Variants in TIAL1 observed in about 807,000 individuals in gnomAD.
The protein encoded by TIAL1 is TIA1 cytotoxic granule associated RNA binding protein like 1.
In TIAL1, 7 loss-of-function variants were observed where a neutral mutation model predicts 59.7. The ratio of observed to expected loss-of-function variants is 0.12; its 90% CI spans 0.07 to 0.22. The LOEUF (loss-of-function observed/expected upper bound fraction) is 0.22. Among genes scored for constraint, TIAL1 ranks in the 10% least tolerant of loss-of-function variants. The pLI is 1.00. For synonymous variants in TIAL1, 149 were observed against 146.3 expected, an observed-to-expected ratio of 1.02 and a Z score of -0.13; for missense variants, 225 against 462.5, an observed-to-expected ratio of 0.49 and a Z score of 4.71.
At chr10:119,579,615 TA>T (rs1225800083) in intron 6 of TIAL1, among the ~76,000 whole-genome samples, 7 of 152,234 alleles carry the variant, frequency 4.6e-5, no homozygotes, top group Admixed American at 3.9e-4. Context: ...GAATATAATT[TA>T]CCTAACCTCT....
chr10:119,588,351 CTT>C, intron 1 of TIAL1, 103 bp from the exon 2 acceptor site: 6 of 212,048 alleles, frequency 2.8e-5, no homozygotes, highest in South Asian at 9.3e-5. Flanking sequence ...TTCTTTCTTT[CTT>C]TTTTTTTTAG....
rs1844905111 is a variant in TIAL1, at chr10:119,574,906, G to A, written c.*759C>T. 6.6e-6 allele frequency: 1 copy of A among 152,550 alleles called. No individual in the cohort carries two copies. The highest frequency in any genetic ancestry group is 1.5e-5 in the Non-Finnish European group (1 of 68,028). The allele number at this position is 152,550 out of a possible 1,614,324, so 9.4% of individuals were successfully genotyped here. On this transcript the variant is annotated 3_prime_UTR_variant, in exon 12 of 12. Transcript: ENST00000436547. ...TGTATCATTTAAACTTCATGTAAAAGCACAAGTATGACTGTCTGACTTCAA... is the reference window on the plus strand; with the variant it reads ...TGTATCATTTAAACTTCATGTAAAAACACAAGTATGACTGTCTGACTTCAA...
chr10:119,588,111 AT>A, intron 2 of TIAL1, 40 bp downstream of exon 2: 1 of 1,203,088 alleles, frequency 8.3e-7, no homozygotes, highest in Non-Finnish European at 1.2e-6. Flanking sequence ...TAATCAACCC[AT>A]CATGCTAATT....
chr10:119,593,839 A>T (rs889609761), intron 1 of TIAL1, among the ~76,000 whole-genome samples: 1 of 152,220 alleles, frequency 6.6e-6, no homozygotes, highest in Non-Finnish European at 1.5e-5. Flanking sequence ...TTATCTCAAG[A>T]TTTTACATTT....
In TIAL1 at chr10:119,596,501, AG is replaced by A; in HGVS notation, c.-37del. ...ACGGAGCGATCCCGGGACAAGGGGGAGGGCAGGGTTGGGGAGGGGAGGGGGT... is the reference window on the plus strand; with the variant it reads ...ACGGAGCGATCCCGGGACAAGGGGGAGGCAGGGTTGGGGAGGGGAGGGGGT... On this transcript the variant is annotated 5_prime_UTR_variant, in exon 1 of 12. Transcript: ENST00000436547. The A allele has an allele frequency of 3.0e-6, 1 of 329,676 alleles. No homozygotes were observed. The highest frequency in any genetic ancestry group is 3.9e-6 in the Non-Finnish European group (1 of 257,970). The allele number at this position is 329,676 out of a possible 1,614,324, so 20.4% of individuals were successfully genotyped here.
chr10:119,584,950 CAAAAAATA>C (rs1224102865), intron 2 of TIAL1, among the ~76,000 whole-genome samples: 1 of 151,368 alleles, frequency 6.6e-6, no homozygotes, highest in Non-Finnish European at 1.5e-5. Flanking sequence ...ATTAAAAATA[CAAAAAATA>C]AAAAAATAAA....
intron 1 of TIAL1, among the ~76,000 whole-genome samples, chr10:119,593,165 C>A (rs1024306480): frequency 2.6e-5 from 4 of 152,222 alleles, no homozygotes; most frequent in African/African-American, 9.6e-5. Context: ...AAGATACACA[C>A]AACCCAAGCC....
Position 119,577,678 on chromosome 10 carries a change from A to T in TIAL1, c.615T>A (p.Cys205Ter). 1 of 1,614,212 alleles carries T rather than the reference A, an allele frequency of 6.2e-7. No homozygotes were observed. Among genetic ancestry groups the T allele is most frequent in the Non-Finnish European group, 8.5e-7 (1 of 1,180,012 alleles). The change falls in exon 8 of 12, where the codon TGT becomes TGA. Residue 205 changes from cysteine (C) to a stop codon, truncating the protein, a stop_gained. Transcript: ENST00000436547. LOFTEE classifies it high-confidence loss of function. ...DVVNQSSPKN[C>*]TVYCGGIASG... ...ACGCAATTCCTCCACAGTACACAGT[A>T]CAATTTTTTGGACTTGACTGGTTTA...
intron 10 of TIAL1, 73 bp from the exon 11 acceptor site, chr10:119,576,823 G>A (rs963746151): frequency 2.5e-6 from 4 of 1,569,112 alleles, no homozygotes; most frequent in Non-Finnish European, 3.4e-6. Context: ...TGGGAGACAA[G>A]GAAGAGAAAA....
chr10:119,595,319 G>T (rs1197572786), intron 1 of TIAL1, among the ~76,000 whole-genome samples: 2 of 151,976 alleles, frequency 1.3e-5, no homozygotes, highest in African/African-American at 4.8e-5. Context: ...ACCAGGAGAG[G>T]CAAGAGAAAC....
At position 119,577,212 on chromosome 10, in the gene TIAL1, G is replaced by A; in HGVS notation, c.738-9C>T. The A allele has an allele frequency of 1.3e-6, 2 of 1,589,866 alleles. No individual in the cohort carries two copies. The highest frequency in any genetic ancestry group is 1.9e-5 in the Admixed American group (1 of 52,398). ...TTTCATGGGTTGAAAATCTAAGAAAGAAAAATGATATGGTTTTGTCTTTTA... is the reference window on the plus strand; with the variant it reads ...TTTCATGGGTTGAAAATCTAAGAAAAAAAAATGATATGGTTTTGTCTTTTA... On this transcript the variant is annotated splice_polypyrimidine_tract_variant and intron_variant, in intron 9 of 11. Transcript: ENST00000436547.
intron 1 of TIAL1, among the ~76,000 whole-genome samples, chr10:119,589,555 A>T (rs1351710003): frequency 6.6e-6 from 1 of 152,218 alleles, no homozygotes; most frequent in African/African-American, 2.4e-5. Context: ...AAGATTTCTT[A>T]AGAAATTCAG....
chr10:119,595,320 C>A (rs1336536557), intron 1 of TIAL1, among the ~76,000 whole-genome samples: 1 of 151,396 alleles, frequency 6.6e-6, no homozygotes, highest in Non-Finnish European at 1.5e-5. Context: ...CCAGGAGAGG[C>A]AAGAGAAACA....
In TIAL1 at chr10:119,577,778, T is replaced by C. The variant is rs201084762; in HGVS notation, c.557-42A>G. 1.5e-5 allele frequency: 23 copies of C among 1,505,490 alleles called. No individual in the cohort carries two copies. In the East Asian group the frequency reaches 2.0e-4, roughly 13 times the overall value. 93.3% of individuals were successfully genotyped at this position (1,505,490 alleles called of 1,614,324 possible). ...AACAAAAACGTTGACTGTTATATTG[T>C]ACTATGAAACTCTTCTGTTAATTAC... On this transcript the variant is annotated intron_variant, in intron 7 of 11. Coordinates refer to ENST00000436547, the MANE Select transcript of TIAL1 (RefSeq NM_003252.4).
At chr10:119,578,983 C>A (rs1391904528) in intron 6 of TIAL1, 149 bp from the exon 7 acceptor site, 1 of 628,720 alleles carries the variant, frequency 1.6e-6, no homozygotes, top group Non-Finnish European at 2.8e-6. Context: ...TGAACTATTA[C>A]CAATTAGAAA....
At chr10:119,588,492 T>C (rs1845687494) in intron 1 of TIAL1, 3 of 265,876 alleles carry the variant, frequency 1.1e-5, no homozygotes, top group Non-Finnish European at 2.1e-5. Flanking sequence ...TACAGGCGCA[T>C]GCCACCATGC....
intron 5 of TIAL1, chr10:119,580,694 T>C (rs1358966284): frequency 2.8e-5 from 28 of 1,002,818 alleles, no homozygotes; most frequent in Non-Finnish European, 3.2e-5. Flanking sequence ...CCACTGAATA[T>C]AGAATGTTAA....
At position 119,576,681 on chromosome 10, in the gene TIAL1, C is replaced by T; in HGVS notation, c.931G>A (p.Ala311Thr). The T allele has an allele frequency of 6.2e-7, 1 of 1,614,184 alleles. No individual in the cohort carries two copies. The highest frequency in any genetic ancestry group is 8.5e-7 in the Non-Finnish European group (1 of 1,180,026). Residue 311 changes from alanine to threonine, a missense_variant, in exon 11 of 12, where the codon GCA becomes ACA. Ala to Thr is a moderately conservative substitution (Grantham distance 58). Around this residue, in one of 4 missense-constraint regions of TIAL1, gnomAD observed 80 missense variants for 158.8 expected, o/e 0.50. Transcript: ENST00000436547. Reference protein sequence around the residue: ...GNPQQYGQYMANGWQVPPYGV... With the variant: ...GNPQQYGQYMTNGWQVPPYGV... ...TAAGGCGGTACTTGCCACCCATTTG[C>T]CATATACTGTCCATACTGTTGTGGG...
At chr10:119,590,814 AAGAAAG>A (rs1845843132) in intron 1 of TIAL1, among the ~76,000 whole-genome samples, 2 of 149,522 alleles carry the variant, frequency 1.3e-5, no homozygotes, top group African/African-American at 4.9e-5. Flanking sequence ...GAAAGAAAGA[AAGAAAG>A]AAACGAACAA....
Sources: allele counts gnomAD v4.1 joint callset (sites outside exome capture counted in the v4.1 genomes callset), GRCh38; gene constraint gnomAD v4.1.1; regional missense constraint gnomAD v4.1.1; transcripts MANE v1.5; gene names NCBI Gene and HGNC (gene_info 2026-07-23, HGNC 2026-07-21).